RORA: variants seen among roughly 807,000 people sequenced by gnomAD.
RORA encodes the protein nuclear receptor ROR-alpha.
A neutral mutation model predicts 69.5 loss-of-function variants in RORA; 7 were observed. The ratio of observed to expected loss-of-function variants is 0.10; its 90% CI spans 0.06 to 0.19. The LOEUF is 0.19. Ranked by LOEUF, RORA falls within the 10% of genes least tolerant of loss-of-function variation. RORA has a pLI of 1.00. For missense variants in RORA, 457 were observed against 663.0 expected, an observed-to-expected ratio of 0.69 and a Z score of 3.41; for synonymous variants, 261 against 240.8, an observed-to-expected ratio of 1.08 and a Z score of -0.78.
chr15:61,061,357 A>G lies in RORA; in HGVS notation c.166+167696T>C, dbSNP rs2078182097. Among the ~76,000 whole-genome samples the G allele has an allele frequency of 7.8e-6, 1 of 128,440 alleles. No homozygotes were observed. Among genetic ancestry groups the G allele is most frequent in the Admixed American group, 7.5e-5 (1 of 13,324 alleles). 84.3% of individuals were successfully genotyped at this position (128,440 alleles called of 152,430 possible). ...ACAGAGCGAGGCTCTATCTTAAAAA[A>G]TAAATAAATAAATAAATAAATAAAT... On this transcript the variant is annotated intron_variant, in intron 1 of 10. Transcript: ENST00000335670. This position sits in a 1 kb window ranked among gnomAD's most constrained non-coding sequence, Gnocchi z 4.4.
chr15:60,622,010 T>C (rs1338441811), intron 2 of RORA, among the ~76,000 whole-genome samples: 1 of 152,012 alleles, frequency 6.6e-6, no homozygotes, highest in African/African-American at 2.4e-5. Context: ...GTTGCACCGT[T>C]GCACTCCAGC....
chr15:60,522,777 A>G (rs1174842448), intron 3 of RORA, among the ~76,000 whole-genome samples: 1 of 151,440 alleles, frequency 6.6e-6, no homozygotes, highest in Non-Finnish European at 1.5e-5. Context: ...TCTTAAAAAA[A>G]AAAAAAAAAA....
intron 1 of RORA, among the ~76,000 whole-genome samples, chr15:61,121,249 A>T (rs1371892196): frequency 6.6e-6 from 1 of 152,186 alleles, no homozygotes; most frequent in East Asian, 1.9e-4. Flanking sequence ...CAGAGAGGTC[A>T]CTGTCTTGCT....
Position 61,209,514 on chromosome 15 carries a change from C to T in RORA, c.166+19539G>A, listed in dbSNP as rs373522876. Among the ~76,000 whole-genome samples, 32 of 152,296 alleles carry T rather than the reference C, an allele frequency of 2.1e-4. No homozygotes were observed. The East Asian group carries it at 2.7e-3, about 13-fold the overall frequency. ...ATTATTAGTATGCTTTAGGCATCAACCTATGTTATGAAATGAATGTTTGTG... is the reference window on the plus strand; with the variant it reads ...ATTATTAGTATGCTTTAGGCATCAATCTATGTTATGAAATGAATGTTTGTG... On this transcript the variant is annotated intron_variant, in intron 1 of 10. Transcript: ENST00000335670.
chr15:60,706,050 G>A (rs1052875756), intron 1 of RORA, among the ~76,000 whole-genome samples: 6 of 152,160 alleles, frequency 3.9e-5, no homozygotes, highest in Non-Finnish European at 7.3e-5. Flanking sequence ...AAGGGCACAC[G>A]CATAGTTATT....
chr15:61,004,306 TACAATACAA>T (rs1204171509), intron 1 of RORA, among the ~76,000 whole-genome samples: 2 of 150,792 alleles, frequency 1.3e-5, no homozygotes, highest in African/African-American at 4.9e-5. Context: ...GACTAATACG[TACAATACAA>T]ATAATACAGC....
At chr15:60,851,067 GT>G (rs1464975705) in intron 1 of RORA, among the ~76,000 whole-genome samples, 2 of 152,160 alleles carry the variant, frequency 1.3e-5, no homozygotes, top group Non-Finnish European at 2.9e-5. Flanking sequence ...ACATATTGCT[GT>G]TGTCAGGACT....
intron 1 of RORA, among the ~76,000 whole-genome samples, chr15:61,040,549 C>T (rs562627705): frequency 1.3e-5 from 2 of 151,726 alleles, no homozygotes; most frequent in Non-Finnish European, 2.9e-5. Context: ...CATTTCAGGA[C>T]ATTTGATGAG....
chr15:60,894,368 C>T (rs186853474), intron 1 of RORA, among the ~76,000 whole-genome samples: 35 of 152,262 alleles, frequency 2.3e-4, no homozygotes, highest in African/African-American at 8.2e-4. Flanking sequence ...CACACCCTAA[C>T]GACAATCCTG....
At position 61,126,746 on chromosome 15, in the gene RORA, G is replaced by A. The variant is rs183483528; in HGVS notation, c.166+102307C>T. 6.0e-4 allele frequency among the ~76,000 whole-genome samples: 91 copies of A among 152,252 alleles called. 1 individual carries two copies. The highest frequency in any genetic ancestry group is 2.9e-3 in the Admixed American group (44 of 15,292). On this transcript the variant is annotated intron_variant, in intron 1 of 10. Coordinates refer to ENST00000335670, the MANE Select transcript of RORA (RefSeq NM_134261.3). The stretch of plus-strand genomic sequence containing the variant: ...AGAAGAGAAAATGGAAATTTAAAGT[G>A]TTTAAGTAACTTACACAGGACCTCC...
At chr15:61,034,075 A>G (rs536873565) in intron 1 of RORA, among the ~76,000 whole-genome samples, 6 of 152,318 alleles carry the variant, frequency 3.9e-5, no homozygotes, top group African/African-American at 1.4e-4. Flanking sequence ...CACTTCCATT[A>G]TAGTTCAATT....
intron 1 of RORA, among the ~76,000 whole-genome samples, chr15:60,748,989 AT>A (rs914710425): frequency 6.6e-6 from 1 of 152,200 alleles, no homozygotes; most frequent in Non-Finnish European, 1.5e-5. Context: ...ATAATTATAA[AT>A]TTTAGTAAAT....
chr15:60,499,133 T>C (rs1474406390), intron 10 of RORA, among the ~76,000 whole-genome samples: 1 of 152,158 alleles, frequency 6.6e-6, no homozygotes, highest in Non-Finnish European at 1.5e-5. Context: ...AATGCAAAAG[T>C]CATTTACTGT....
intron 1 of RORA, among the ~76,000 whole-genome samples, chr15:60,836,338 C>T (rs542842748): frequency 2.4e-3 from 366 of 152,220 alleles, no homozygotes; most frequent in Non-Finnish European, 3.8e-3. Context: ...TTTTTTAAAA[C>T]TTGTACAATG....
intron 2 of RORA, among the ~76,000 whole-genome samples, chr15:60,634,229 A>G (rs2069794193): frequency 6.6e-6 from 1 of 152,184 alleles, no homozygotes; most frequent in South Asian, 2.1e-4. Context: ...CACAGCATGC[A>G]CATTCTCATT....
chr15:61,177,690 C>G (rs1031287920), intron 1 of RORA, among the ~76,000 whole-genome samples: 3 of 152,034 alleles, frequency 2.0e-5, no homozygotes, highest in African/African-American at 7.2e-5. Flanking sequence ...GTTGCTCACG[C>G]CTATAATCCC....
chr15:60,841,362 T>G (rs1441206534), intron 1 of RORA, among the ~76,000 whole-genome samples: 5 of 152,194 alleles, frequency 3.3e-5, no homozygotes, highest in Admixed American at 2.6e-4. Flanking sequence ...GATCGTCCTG[T>G]GGCTGCCGCG....
chr15:60,776,353 G>A (rs1483187322), intron 1 of RORA, among the ~76,000 whole-genome samples: 2 of 152,170 alleles, frequency 1.3e-5, no homozygotes, highest in Non-Finnish European at 2.9e-5. Flanking sequence ...AATCTGGCAA[G>A]GTCTTCAGGA....
rs146881973 is a variant in RORA at position 60,624,960 on chromosome 15, C to T, written c.196+53697G>A. On this transcript the variant is annotated intron_variant, in intron 2 of 10. Transcript: ENST00000335670. ...GCCCTGGCATATTGAGAGCAGCAATCGTTTCTGGAAAGCTTTAAAGACCCT... is the reference window on the plus strand; with the variant it reads ...GCCCTGGCATATTGAGAGCAGCAATTGTTTCTGGAAAGCTTTAAAGACCCT... Among the ~76,000 whole-genome samples, 336 of 152,224 alleles carry T rather than the reference C, an allele frequency of 2.2e-3. 1 individual carries two copies. Among genetic ancestry groups the T allele is most frequent in the African/African-American group, 7.8e-3 (323 of 41,538 alleles).
Sources: allele counts gnomAD v4.1 joint callset (sites outside exome capture counted in the v4.1 genomes callset), GRCh38; gene constraint gnomAD v4.1.1; non-coding constraint Gnocchi (gnomAD v3.1); transcripts MANE v1.5; gene names NCBI Gene and HGNC (gene_info 2026-07-23, HGNC 2026-07-21).